Variants in TNFAIP2 observed in about 807,000 individuals in gnomAD.
TNFAIP2 encodes TNF alpha induced protein 2, also known as tumor necrosis factor alpha-induced protein 2.
Under a neutral mutation model 63.5 loss-of-function variants are expected in TNFAIP2, and 47 were observed. The observed-to-expected ratio is 0.74, with a 90% CI of 0.59 to 0.94. TNFAIP2 has a LOEUF of 0.94. TNFAIP2 is among the 40% of genes least tolerant of loss of function. TNFAIP2 has a pLI of 0.00. For synonymous variants in TNFAIP2, 405 were observed against 390.2 expected (o/e 1.04, Z -0.45); for missense variants, 787 against 850.2 (o/e 0.93, Z 0.92).
At chr14:103,126,872 C>A in intron 2 of TNFAIP2, 133 bp from the exon 3 acceptor site, 1 of 1,386,652 alleles carries the variant, frequency 7.2e-7, no homozygotes, top group Non-Finnish European at 9.5e-7. Context: ...GTCAGGGACA[C>A]CGACATCACC....
chr14:103,132,606 G>T (rs2087999813), intron 8 of TNFAIP2, 144 bp from the exon 9 acceptor site: 16 of 1,284,786 alleles, frequency 1.2e-5, no homozygotes, highest in Non-Finnish European at 1.6e-5. Context: ...GTTGGCCCGG[G>T]TTCCCTGGGA....
At position 103,133,433 on chromosome 14, in the gene TNFAIP2, C is replaced by G. The variant is rs759376214; in HGVS notation, c.1617C>G (p.Val539=). The G allele has an allele frequency of 5.0e-6, 8 of 1,613,886 alleles. No homozygotes were observed. In the East Asian group the frequency reaches 1.3e-4, roughly 27 times the overall value. The change falls in exon 10 of 12, where the codon GTC becomes GTG. Residue 539 remains valine, a synonymous_variant. Coordinates refer to ENST00000560869, the MANE Select transcript of TNFAIP2 (RefSeq NM_006291.4). The stretch of plus-strand genomic sequence containing the variant: ...TCCAACTCAGCAAGGGGCGCCTGGT[C>G]CTCAAGACGGCCGAGCAGCAGCAGC... ...YIIQLSKGRL[V]LKTAEQQQQL...
At chr14:103,124,326 G>C (rs1419083102) in intron 1 of TNFAIP2, 1 of 152,348 alleles carries the variant, frequency 6.6e-6, no homozygotes, top group Non-Finnish European at 1.5e-5. Context: ...ACACTAGTGA[G>C]AAGTGTGCTG....
chr14:103,128,778 C>T (rs755861289), intron 3 of TNFAIP2, among the ~76,000 whole-genome samples: 4 of 152,160 alleles, frequency 2.6e-5, no homozygotes, highest in Non-Finnish European at 5.9e-5. Context: ...CCCGCTTGCT[C>T]GTCCTGACTC....
chr14:103,135,492 C>T lies in TNFAIP2; in HGVS notation c.*132C>T. On this transcript the variant is annotated 3_prime_UTR_variant, in exon 12 of 12. Coordinates refer to ENST00000560869, the MANE Select transcript of TNFAIP2 (RefSeq NM_006291.4). The surrounding 1 kb of genome is among the most constrained non-coding windows in gnomAD (Gnocchi z 7.6). ...GTGCTCTGATGCTACTTCTGCCTAGCCCTGGCGGAGGTGCAGGCCCTGTCA... is the reference window on the plus strand; with the variant it reads ...GTGCTCTGATGCTACTTCTGCCTAGTCCTGGCGGAGGTGCAGGCCCTGTCA... 1 of 1,499,628 alleles carries T rather than the reference C, an allele frequency of 6.7e-7. No individual in the cohort carries two copies. The highest frequency in any genetic ancestry group is 8.8e-7 in the Non-Finnish European group (1 of 1,134,022). 92.9% of individuals were successfully genotyped at this position (1,499,628 alleles called of 1,614,324 possible).
rs1342444001 is a variant in TNFAIP2 at position 103,133,777 on chromosome 14, T to C, written c.1797T>C (p.Thr599=). 31 of 1,593,806 alleles carry C rather than the reference T, an allele frequency of 1.9e-5. No homozygotes were observed. The highest frequency in any genetic ancestry group is 2.6e-5 in the Non-Finnish European group (31 of 1,176,422). The part of the protein sequence containing the change: ...DPSAIKIEVA[T]YATCYPDFSK... ...GTGCCATCAAGATTGAGGTGGCCAC[T>C]TATGCCACCTGCTACCCTGACTTCA... Residue 599 remains threonine (T), a synonymous_variant, in exon 11 of 12, where the codon ACT becomes ACC. Coordinates refer to ENST00000560869, the MANE Select transcript of TNFAIP2 (RefSeq NM_006291.4).
chr14:103,135,462 C>A lies in TNFAIP2; in HGVS notation c.*102C>A. The A allele has an allele frequency of 6.6e-7, 1 of 1,508,916 alleles. No homozygotes were observed. Among genetic ancestry groups the A allele is most frequent in the Non-Finnish European group, 8.8e-7 (1 of 1,137,636 alleles). The allele number at this position is 1,508,916 out of a possible 1,614,324, so 93.5% of individuals were successfully genotyped here. On this transcript the variant is annotated 3_prime_UTR_variant, in exon 12 of 12. Transcript: ENST00000560869. This position sits in a 1 kb window ranked among gnomAD's most constrained non-coding sequence, Gnocchi z 7.6. Reference sequence around the variant, plus strand: ...CGCTGGTTCTCGGTTCCTCCCGGGTCTCCTGTGCTCTGATGCTACTTCTGC... The same window carrying A: ...CGCTGGTTCTCGGTTCCTCCCGGGTATCCTGTGCTCTGATGCTACTTCTGC...
intron 5 of TNFAIP2, 53 bp downstream of exon 5, chr14:103,130,177 GC>G: frequency 6.3e-7 from 1 of 1,587,844 alleles, no homozygotes. Flanking sequence ...TGCATGGGGA[GC>G]CCCACGCACA....
At chr14:103,134,195 G>A (rs1595288629) in intron 11 of TNFAIP2, among the ~76,000 whole-genome samples, 1 of 152,236 alleles carries the variant, frequency 6.6e-6, no homozygotes, top group East Asian at 1.9e-4. Flanking sequence ...GGGAGTGGAG[G>A]CTTAGCCCTT....
chr14:103,135,819 CCGTGAGCGGGAT>C lies in TNFAIP2; in HGVS notation c.*460_*471del, dbSNP rs1261212395. On this transcript the variant is annotated 3_prime_UTR_variant, in exon 12 of 12. Coordinates refer to ENST00000560869, the MANE Select transcript of TNFAIP2 (RefSeq NM_006291.4). This position sits in a 1 kb window ranked among gnomAD's most constrained non-coding sequence, Gnocchi z 7.6. ...ATCTGCCCTCTGCAGCCCAGGGCCG[CCGTGAGCGGGAT>C]TCAGCAATGGTGGAATGGAAGACAG... The C allele has an allele frequency of 5.1e-5, 66 of 1,293,294 alleles. No individual in the cohort carries two copies. Among genetic ancestry groups the C allele is most frequent in the Non-Finnish European group, 6.7e-5 (66 of 991,788 alleles). The allele number at this position is 1,293,294 out of a possible 1,614,324, so 80.1% of individuals were successfully genotyped here.
intron 4 of TNFAIP2, 64 bp downstream of exon 4, chr14:103,129,918 A>G (rs1400383100): frequency 6.2e-7 from 1 of 1,607,364 alleles, no homozygotes; most frequent in African/African-American, 1.3e-5. Flanking sequence ...GGAGACAGAC[A>G]GGACATGGGC....
intron 11 of TNFAIP2, among the ~76,000 whole-genome samples, chr14:103,134,415 ATCCG>A (rs2088052896): frequency 6.6e-6 from 1 of 151,846 alleles, no homozygotes; most frequent in Non-Finnish European, 1.5e-5. Flanking sequence ...CCATCTGGCT[ATCCG>A]TCTATCTTCT....
Position 103,132,970 on chromosome 14 carries a change from ACACG to A in TNFAIP2, c.1545+100_1545+103del, listed in dbSNP as rs1344129973. On this transcript the variant is annotated intron_variant, in intron 9 of 11. Transcript: ENST00000560869. ...TGTGTACACTCACGCACATGTGCTCACACGCGCACATGTGAACACACGTGAATGC... is the reference window on the plus strand; with the variant it reads ...TGTGTACACTCACGCACATGTGCTCACGCACATGTGAACACACGTGAATGC... 3.9e-6 allele frequency: 6 copies of A among 1,534,578 alleles called. No individual in the cohort carries two copies. The African/African-American group carries it at 8.1e-5, about 21-fold the overall frequency.
At chr14:103,125,175 G>A (rs2087827639) in intron 1 of TNFAIP2, among the ~76,000 whole-genome samples, 1 of 152,248 alleles carries the variant, frequency 6.6e-6, no homozygotes, top group Non-Finnish European at 1.5e-5. Flanking sequence ...TTTAGTCTTG[G>A]GGTGGGGCAG....
chr14:103,129,889 G>A (rs2087935117), intron 4 of TNFAIP2, 35 bp downstream of exon 4: 1 of 1,609,302 alleles, frequency 6.2e-7, no homozygotes, highest in South Asian at 1.1e-5. Context: ...GGGGCAGGGA[G>A]GCAGCAGAGG....
chr14:103,126,369 A>T lies in TNFAIP2; in HGVS notation c.-89A>T. 2.3e-6 allele frequency: 2 copies of T among 887,562 alleles called. No homozygotes were observed. The highest frequency in any genetic ancestry group is 3.4e-6 in the Non-Finnish European group (2 of 583,438). The allele number at this position is 887,562 out of a possible 1,614,324, so 55.0% of individuals were successfully genotyped here. The stretch of plus-strand genomic sequence containing the variant: ...ATGATGACCTTCTTCCAAGGCCTCT[A>T]GAGCCATCAGCCTGTGCCAGGCACC... On this transcript the variant is annotated 5_prime_UTR_variant, in exon 2 of 12. An upstream open reading frame in the 5' UTR loses its in-frame stop. Transcript: ENST00000560869.
chr14:103,132,754 T>A lies in TNFAIP2; in HGVS notation c.1427T>A (p.Leu476Gln), dbSNP rs1773266786. The A allele has an allele frequency of 1.9e-6, 3 of 1,613,136 alleles. No individual in the cohort carries two copies. The highest frequency in any genetic ancestry group is 1.7e-6 in the Non-Finnish European group (2 of 1,179,684). The change falls in exon 9 of 12, where the codon CTG becomes CAG. Residue 476 changes from leucine (L) to glutamine (Q), a missense_variant. Coordinates refer to ENST00000560869, the MANE Select transcript of TNFAIP2 (RefSeq NM_006291.4). ...LQNLHEDLKP[L>Q]FKRFTHTRWA... ...ATCCTGCCTCTCCTGTCTCAGCCAC[T>A]GTTCAAGAGGTTCACGCACACCCGC... is the stretch of plus-strand genomic sequence containing the variant.
intron 1 of TNFAIP2, 145 bp downstream of exon 1, chr14:103,124,096 T>G (rs561783091): frequency 2.0e-5 from 3 of 152,770 alleles, no homozygotes; most frequent in Non-Finnish European, 2.9e-5. Flanking sequence ...GGAACGCCCC[T>G]CCTCCCCTTC....
Position 103,126,579 on chromosome 14 carries a change from C to T in TNFAIP2, c.122C>T (p.Ala41Val). The T allele has an allele frequency of 1.3e-6, 2 of 1,555,494 alleles. No homozygotes were observed. Among genetic ancestry groups the T allele is most frequent in the Non-Finnish European group, 1.7e-6 (2 of 1,149,520 alleles). Reference protein sequence around the residue: ...KEKKKKSKGLANVFCVFTKGK... With the variant: ...KEKKKKSKGLVNVFCVFTKGK... ...AAGAAGAAGAAGTCCAAAGGCCTGG[C>T]CAATGTGTTCTGCGTCTTCACCAAA... Residue 41 changes from alanine (A) to valine (V), a missense_variant, in exon 2 of 12, where the codon GCC becomes GTC. This residue lies in a region of TNFAIP2 where 258 missense variants were observed against 228.9 expected (regional missense o/e 1.13). Coordinates refer to ENST00000560869, the MANE Select transcript of TNFAIP2 (RefSeq NM_006291.4).
Sources: allele counts gnomAD v4.1 joint callset (sites outside exome capture counted in the v4.1 genomes callset), GRCh38; gene constraint gnomAD v4.1.1; regional missense constraint gnomAD v4.1.1; non-coding constraint Gnocchi (gnomAD v3.1); transcripts MANE v1.5; gene names NCBI Gene and HGNC (gene_info 2026-07-23, HGNC 2026-07-21).